The following ARHGAP15 variants were observed in gnomAD, a reference collection of about 807,000 sequenced individuals.
The protein encoded by ARHGAP15 is rho GTPase-activating protein 15.
Under a neutral mutation model 63.7 loss-of-function variants are expected in ARHGAP15, and 51 were observed. The ratio of observed to expected loss-of-function variants is 0.80; its 90% confidence interval spans 0.64 to 1.01. The LOEUF is 1.01. Among genes scored for constraint, ARHGAP15 ranks in the 50% least tolerant of loss-of-function variants. The pLI, the probability that ARHGAP15 is intolerant of heterozygous loss-of-function variation, is 0.00. For synonymous variants in ARHGAP15, 191 were observed against 193.8 expected, an observed-to-expected ratio of 0.99 and a Z score of 0.12; for missense variants, 560 against 564.6, an observed-to-expected ratio of 0.99 and a Z score of 0.08.
At chr2:143,376,569 CAT>C (rs1348381192) in intron 6 of ARHGAP15, among the ~76,000 whole-genome samples, 1 of 151,958 alleles carries the variant, frequency 6.6e-6, no homozygotes, top group Non-Finnish European at 1.5e-5. Flanking sequence ...ACTTAGAACA[CAT>C]AGAATAAAAT....
chr2:143,714,584 C>A lies in ARHGAP15; in HGVS notation c.1244+11060C>A, dbSNP rs374890319. On this transcript the variant is annotated intron_variant, in intron 13 of 13. Transcript: ENST00000295095. Reference sequence around the variant, plus strand: ...ATTATCAGGCTGCAAATTTTCTGAACTTTTATGCTCTGTTTCCCTTCTAAA... The same window carrying A: ...ATTATCAGGCTGCAAATTTTCTGAAATTTTATGCTCTGTTTCCCTTCTAAA... 1.5e-3 allele frequency among the ~76,000 whole-genome samples: 235 copies of A among 152,354 alleles called. 1 individual carries two copies. Among genetic ancestry groups the A allele is most frequent in the African/African-American group, 5.4e-3 (225 of 41,580 alleles).
intron 11 of ARHGAP15, among the ~76,000 whole-genome samples, chr2:143,581,410 C>T (rs1158640670): frequency 1.3e-5 from 2 of 152,112 alleles, no homozygotes; most frequent in Admixed American, 6.6e-5. Context: ...CCCACACCCA[C>T]CTACAAATCT....
At chr2:143,257,648 T>G (rs1680491999) in intron 6 of ARHGAP15, among the ~76,000 whole-genome samples, 1 of 152,114 alleles carries the variant, frequency 6.6e-6, no homozygotes, top group African/African-American at 2.4e-5. Context: ...GATGATTTGG[T>G]AGAGCTAGTG....
In ARHGAP15 at chr2:143,241,488, G is replaced by T. The variant is rs148874552; in HGVS notation, c.385-9023G>T. ...ACTACATGAAGCAATAGAGTATAGT[G>T]GTTAGGAGTAGTGGCAGATGAGGGA... On this transcript the variant is annotated intron_variant, in intron 5 of 13. Transcript: ENST00000295095. Among the ~76,000 whole-genome samples, 346 of 152,278 alleles carry T rather than the reference G, an allele frequency of 2.3e-3. 1 individual carries two copies. Among genetic ancestry groups the T allele is most frequent in the African/African-American group, 8.0e-3 (333 of 41,540 alleles).
At chr2:143,204,895 G>A (rs1692265837) in intron 3 of ARHGAP15, among the ~76,000 whole-genome samples, 1 of 151,624 alleles carries the variant, frequency 6.6e-6, no homozygotes, top group African/African-American at 2.4e-5. Flanking sequence ...TTACATCTCT[G>A]CTCTAATATC....
chr2:143,171,919 A>G (rs928213928), intron 2 of ARHGAP15: 1 of 152,140 alleles, frequency 6.6e-6, no homozygotes, highest in African/African-American at 2.4e-5. Context: ...TAAACACATT[A>G]TCAAAGACAC....
chr2:143,444,820 C>T (rs889921269), intron 8 of ARHGAP15, among the ~76,000 whole-genome samples: 1 of 152,024 alleles, frequency 6.6e-6, no homozygotes, highest in African/African-American at 2.4e-5. Context: ...CCAGAAATAC[C>T]AGATGTTTTC....
At chr2:143,508,631 G>A (rs774071708) in intron 9 of ARHGAP15, among the ~76,000 whole-genome samples, 7 of 152,210 alleles carry the variant, frequency 4.6e-5, no homozygotes, top group Non-Finnish European at 1.0e-4. Flanking sequence ...GTGTATGTGT[G>A]TGATGTTGCT....
intron 11 of ARHGAP15, among the ~76,000 whole-genome samples, chr2:143,579,735 G>T (rs1696816979): frequency 6.7e-6 from 1 of 148,622 alleles, no homozygotes; most frequent in Non-Finnish European, 1.5e-5. Flanking sequence ...CTAAGTAGAA[G>T]ATGAAGCTTG....
rs189365961 is a variant in ARHGAP15 at position 143,405,468 on chromosome 2, A to G, written c.475-30133A>G. ...TTTACTCCCTTTATAAAACATAAAA[A>G]ATTTGTGCTCCCCTTTTCACATTGT... On this transcript the variant is annotated intron_variant, in intron 6 of 13. Coordinates refer to ENST00000295095, the MANE Select transcript of ARHGAP15 (RefSeq NM_018460.4). Among the ~76,000 whole-genome samples, 9 of 151,984 alleles carry G rather than the reference A, an allele frequency of 5.9e-5. No homozygotes were observed. The East Asian group carries it at 1.7e-3, about 29-fold the overall frequency.
At chr2:143,196,562 A>G (rs994735898) in intron 2 of ARHGAP15, among the ~76,000 whole-genome samples, 1 of 152,008 alleles carries the variant, frequency 6.6e-6, no homozygotes, top group Non-Finnish European at 1.5e-5. Flanking sequence ...CTCTTAATAA[A>G]CAGATCAGAG....
intron 2 of ARHGAP15, among the ~76,000 whole-genome samples, chr2:143,183,976 C>T (rs1691338712): frequency 6.6e-6 from 1 of 152,120 alleles, no homozygotes; most frequent in Admixed American, 6.6e-5. Flanking sequence ...TGACTATTAG[C>T]CCATGGCAGT....
intron 13 of ARHGAP15, among the ~76,000 whole-genome samples, chr2:143,750,612 T>C (rs540789878): frequency 1.8e-4 from 27 of 152,300 alleles, no homozygotes; most frequent in Non-Finnish European, 2.8e-4. Flanking sequence ...TCAGTACCTA[T>C]AGAACTAGCA....
At chr2:143,632,481 G>A (rs1680089601) in intron 12 of ARHGAP15, among the ~76,000 whole-genome samples, 1 of 151,942 alleles carries the variant, frequency 6.6e-6, no homozygotes, top group African/African-American at 2.4e-5. Context: ...TTTGAAGAGT[G>A]TTTTTTTAAA....
chr2:143,282,508 C>A (rs1681901560), intron 6 of ARHGAP15, among the ~76,000 whole-genome samples: 1 of 151,984 alleles, frequency 6.6e-6, no homozygotes, highest in African/African-American at 2.4e-5. Flanking sequence ...TTTATAAAAC[C>A]ATCAGGTCTC....
chr2:143,403,975 T>C (rs1688095244), intron 6 of ARHGAP15, among the ~76,000 whole-genome samples: 1 of 151,714 alleles, frequency 6.6e-6, no homozygotes, highest in Non-Finnish European at 1.5e-5. Flanking sequence ...TCAAGACATA[T>C]TCAAGTGAGA....
chr2:143,617,910 T>C (rs1185585829), intron 11 of ARHGAP15, among the ~76,000 whole-genome samples: 4 of 152,182 alleles, frequency 2.6e-5, no homozygotes, highest in Non-Finnish European at 5.9e-5. Context: ...AGGCCCAGTA[T>C]GTAGTCTCCT....
chr2:143,167,869 T>C (rs1184451416), intron 2 of ARHGAP15, among the ~76,000 whole-genome samples: 1 of 152,074 alleles, frequency 6.6e-6, no homozygotes, highest in African/African-American at 2.4e-5. Flanking sequence ...TTCATTAGAG[T>C]TGTGGTGTTT....
At chr2:143,250,478 C>A in intron 5 of ARHGAP15, 33 bp from the exon 6 acceptor site, 1 of 1,530,580 alleles carries the variant, frequency 6.5e-7, no homozygotes, top group Non-Finnish European at 9.0e-7. Context: ...AGTGTTGCAT[C>A]CTCTTATTCT....
Sources: allele counts gnomAD v4.1 joint callset (sites outside exome capture counted in the v4.1 genomes callset), GRCh38; gene constraint gnomAD v4.1.1; transcripts MANE v1.5; gene names NCBI Gene and HGNC (gene_info 2026-07-23, HGNC 2026-07-21).